RPRD2: variants seen among roughly 807,000 people sequenced by gnomAD.
RPRD2 encodes the protein regulation of nuclear pre-mRNA domain containing 2.
Under a neutral mutation model 104.4 loss-of-function variants are expected in RPRD2, and 12 were observed. That is an observed-to-expected ratio of 0.11 (90% confidence interval 0.07 to 0.19). The LOEUF is 0.19. RPRD2 is among the 10% of genes least tolerant of loss of function. The pLI is 1.00. For synonymous variants in RPRD2, 714 were observed against 684.9 expected, an observed-to-expected ratio of 1.04 and a Z score of -0.66; for missense variants, 1,543 against 1,790.1, an observed-to-expected ratio of 0.86 and a Z score of 2.49.
At chr1:150,425,226 TAGC>T (rs2102301091) in intron 2 of RPRD2, among the ~76,000 whole-genome samples, 1 of 152,332 alleles carries the variant, frequency 6.6e-6, no homozygotes, top group East Asian at 1.9e-4. Context: ...CAATAAATAT[TAGC>T]TGCTGCTATG....
intron 6 of RPRD2, among the ~76,000 whole-genome samples, chr1:150,445,961 G>A (rs587717855): frequency 1.2e-3 from 186 of 152,042 alleles, no homozygotes; most frequent in African/African-American, 3.9e-3. Context: ...CCAGCCACTC[G>A]GGAGGCTGAG....
intron 2 of RPRD2, among the ~76,000 whole-genome samples, chr1:150,420,708 C>T (rs1210364020): frequency 2.6e-5 from 4 of 152,122 alleles, no homozygotes; most frequent in Admixed American, 2.6e-4. Flanking sequence ...CACCTGTAAT[C>T]CCAGCTACTC....
intron 2 of RPRD2, among the ~76,000 whole-genome samples, chr1:150,434,127 A>AGCAGATC (rs1439180117): frequency 1.3e-5 from 2 of 151,910 alleles, no homozygotes; most frequent in Non-Finnish European, 2.9e-5. Context: ...GGCTGAGGCG[A>AGCAGATC]GCAGATCACT....
chr1:150,388,728 T>TC (rs1661833550), intron 1 of RPRD2, among the ~76,000 whole-genome samples: 1 of 151,144 alleles, frequency 6.6e-6, no homozygotes, highest in Non-Finnish European at 1.5e-5. Context: ...TGCCTCAGCC[T>TC]CCTGAGTAGC....
chr1:150,402,068 T>G (rs1663076220), intron 1 of RPRD2, among the ~76,000 whole-genome samples: 1 of 151,264 alleles, frequency 6.6e-6, no homozygotes, highest in Non-Finnish European at 1.5e-5. Flanking sequence ...CAAGCAGTTC[T>G]CTGCCTCAGC....
At chr1:150,368,459 A>ATT (rs34949625) in intron 1 of RPRD2, among the ~76,000 whole-genome samples, 94 of 103,662 alleles carry the variant, frequency 9.1e-4, no homozygotes, top group African/African-American at 3.5e-3. Context: ...AGCCCAGCTA[A>ATT]TTTTTTTTTT....
rs1313698332 is a variant in RPRD2, at chr1:150,388,884, G to A, written c.205+23965G>A. On this transcript the variant is annotated intron_variant, in intron 1 of 10. Transcript: ENST00000369068. ...CCCCTCAAAGTGCTAGGATACAGGC[G>A]TGAGCCACTGCACTTGGCCTAATAT... is the stretch of plus-strand genomic sequence containing the variant. Among the ~76,000 whole-genome samples, 4 of 151,876 alleles carry A rather than the reference G, an allele frequency of 2.6e-5. No homozygotes were observed. In the East Asian group the frequency reaches 7.7e-4, roughly 29 times the overall value.
intron 2 of RPRD2, among the ~76,000 whole-genome samples, chr1:150,422,340 A>AAATAATAATAATAATAATAATAATAAT (rs145145770): frequency 2.3e-4 from 30 of 128,320 alleles, no homozygotes; most frequent in Non-Finnish European, 3.7e-4. Context: ...CTCTGTCTCA[A>AAATAATAATAATAATAATAATAATAAT]AATAATAATA....
rs782615693 is a variant in RPRD2, at chr1:150,404,137, A to G, written c.206-13459A>G. ...CTAAGACCCAGCTGATTTAGCAGCC[A>G]CACTTGTGTGATTATGTGTTTGTGT... On this transcript the variant is annotated intron_variant, in intron 1 of 10. Transcript: ENST00000369068. 3.9e-5 allele frequency among the ~76,000 whole-genome samples: 6 copies of G among 152,344 alleles called. No individual in the cohort carries two copies. In the East Asian group the frequency reaches 1.2e-3, roughly 29 times the overall value.
At chr1:150,430,288 ATAATC>A (rs1356323623) in intron 2 of RPRD2, among the ~76,000 whole-genome samples, 2 of 152,090 alleles carry the variant, frequency 1.3e-5, no homozygotes, top group Admixed American at 6.5e-5. Context: ...ATGGAAAAAA[ATAATC>A]TATAGGAACT....
chr1:150,429,505 C>A (rs1336198338), intron 2 of RPRD2, among the ~76,000 whole-genome samples: 1 of 152,074 alleles, frequency 6.6e-6, no homozygotes, highest in Non-Finnish European at 1.5e-5. Context: ...CAGGCACGCA[C>A]AACCATACCT....
chr1:150,393,417 A>G (rs1331273300), intron 1 of RPRD2, among the ~76,000 whole-genome samples: 4 of 144,742 alleles, frequency 2.8e-5, no homozygotes, highest in African/African-American at 7.8e-5. Flanking sequence ...GTGATCTGCC[A>G]CTGCACTCTA....
At chr1:150,455,645 C>A (rs1013358496) in intron 7 of RPRD2, among the ~76,000 whole-genome samples, 120 of 136,222 alleles carry the variant, frequency 8.8e-4, no homozygotes, top group African/African-American at 3.4e-3. Context: ...AAAAAAAAAA[C>A]CTGAGGAAAT....
In RPRD2 at chr1:150,473,010, A is replaced by T; in HGVS notation, c.4062A>T (p.Gln1354His). 6.2e-7 allele frequency: 1 copy of T among 1,613,960 alleles called. No homozygotes were observed. Among genetic ancestry groups the T allele is most frequent in the Non-Finnish European group, 8.5e-7 (1 of 1,179,866 alleles). ...CCAGGGACCACGGGGGCCCCACCCAACGGGACCTCAACGGCCCTGGCCTTA... is the reference window on the plus strand; with the variant it reads ...CCAGGGACCACGGGGGCCCCACCCATCGGGACCTCAACGGCCCTGGCCTTA... ...PGPRDHGGPTQRDLNGPGLSR... is the reference protein window; with the variant it reads ...PGPRDHGGPTHRDLNGPGLSR... The change falls in exon 11 of 11, where the codon CAA becomes CAT. Residue 1354 changes from glutamine (Q) to histidine (H), a missense_variant. Physicochemically the swap from Gln to His is conservative, Grantham distance 24 (BLOSUM62 0). Transcript: ENST00000369068.
intron 7 of RPRD2, among the ~76,000 whole-genome samples, chr1:150,456,108 G>A (rs1410392389): frequency 6.6e-6 from 1 of 152,108 alleles, no homozygotes; most frequent in African/African-American, 2.4e-5. Context: ...TGAGATTACA[G>A]ACATGAACCA....
intron 1 of RPRD2, among the ~76,000 whole-genome samples, chr1:150,380,054 T>A (rs1553880450): frequency 6.6e-6 from 1 of 152,238 alleles, no homozygotes; most frequent in African/African-American, 2.4e-5. Context: ...AGTTAATTTT[T>A]ATTTTTAATT....
chr1:150,367,551 A>G (rs918931708), intron 1 of RPRD2, among the ~76,000 whole-genome samples: 3 of 148,088 alleles, frequency 2.0e-5, no homozygotes, highest in Non-Finnish European at 4.5e-5. Flanking sequence ...TTAGTAATTT[A>G]TATTTATATT....
intron 7 of RPRD2, among the ~76,000 whole-genome samples, chr1:150,454,314 C>T (rs1667376507): frequency 1.3e-5 from 2 of 152,096 alleles, no homozygotes; most frequent in Admixed American, 1.3e-4. Context: ...TTGCCTAGCT[C>T]CCCAGAATCA....
chr1:150,376,470 A>G (rs1362865066), intron 1 of RPRD2, among the ~76,000 whole-genome samples: 1 of 151,368 alleles, frequency 6.6e-6, no homozygotes, highest in Non-Finnish European at 1.5e-5. Context: ...CTTTACTGTC[A>G]TCATAGTTTT....
Sources: gnomAD v4.1 joint callset for allele counts (sites outside exome capture counted in the v4.1 genomes callset) on GRCh38, gnomAD v4.1.1 for gene constraint, MANE v1.5 for transcripts, NCBI Gene and HGNC (gene_info 2026-07-23, HGNC 2026-07-21) for gene names.